Variants in CNTN5 observed in about 807,000 individuals in gnomAD.
CNTN5 encodes the protein contactin 5, also known as contactin-5.
Under a neutral mutation model 129.1 loss-of-function variants are expected in CNTN5, and 77 were observed. The ratio of observed to expected loss-of-function variants is 0.60; its 90% confidence interval spans 0.50 to 0.72. CNTN5 has a LOEUF of 0.72. Ranked by LOEUF, CNTN5 falls within the 30% of genes least tolerant of loss-of-function variation. The pLI, the probability that CNTN5 is intolerant of heterozygous loss-of-function variation, is 0.00. For missense variants in CNTN5, 1,478 were observed against 1,328.8 expected (o/e 1.11, Z -1.75); for synonymous variants, 509 against 465.6 (o/e 1.09, Z -1.20).
chr11:99,827,103 T>C (rs1056214602), intron 4 of CNTN5, among the ~76,000 whole-genome samples: 3 of 152,186 alleles, frequency 2.0e-5, no homozygotes, highest in Admixed American at 6.5e-5. Flanking sequence ...TTTGTTTTAA[T>C]GCGAGACAGG....
At chr11:99,612,045 A>G (rs1157453447) in intron 3 of CNTN5, among the ~76,000 whole-genome samples, 1 of 152,206 alleles carries the variant, frequency 6.6e-6, no homozygotes, top group Non-Finnish European at 1.5e-5. Flanking sequence ...AACCTTCAAA[A>G]TAGATCAATA....
chr11:99,811,925 C>A (rs557516356), intron 3 of CNTN5, among the ~76,000 whole-genome samples: 1 of 152,206 alleles, frequency 6.6e-6, no homozygotes, highest in African/African-American at 2.4e-5. Flanking sequence ...TATTAAAAGA[C>A]TGAGCAACTG....
At chr11:100,304,411 A>C (rs1951298879) in intron 20 of CNTN5, among the ~76,000 whole-genome samples, 1 of 151,640 alleles carries the variant, frequency 6.6e-6, no homozygotes, top group Non-Finnish European at 1.5e-5. Flanking sequence ...TAGAGATCAG[A>C]AGAGTTTTAG....
At chr11:99,784,526 A>G (rs192222713) in intron 3 of CNTN5, among the ~76,000 whole-genome samples, 17 of 152,248 alleles carry the variant, frequency 1.1e-4, no homozygotes, top group African/African-American at 3.6e-4. Flanking sequence ...TAGTGCTGCA[A>G]TAAACATATG....
At chr11:99,995,092 G>A (rs1256920056) in intron 8 of CNTN5, among the ~76,000 whole-genome samples, 1 of 152,282 alleles carries the variant, frequency 6.6e-6, no homozygotes, top group East Asian at 1.9e-4. Context: ...GGCTCTTGAT[G>A]TGCAGCAAAT....
chr11:99,681,810 T>A (rs1489756004), intron 3 of CNTN5, among the ~76,000 whole-genome samples: 3 of 152,054 alleles, frequency 2.0e-5, no homozygotes, highest in Non-Finnish European at 4.4e-5. Context: ...GTAGTTTACC[T>A]GAAACGATTA....
At chr11:99,438,994 T>C (rs1240376034) in intron 2 of CNTN5, among the ~76,000 whole-genome samples, 1 of 152,200 alleles carries the variant, frequency 6.6e-6, no homozygotes, top group Non-Finnish European at 1.5e-5. Context: ...AAATAATTTC[T>C]GATTTTAATG....
intron 3 of CNTN5, among the ~76,000 whole-genome samples, chr11:99,647,826 C>A (rs1031416036): frequency 7.3e-5 from 11 of 151,010 alleles, no homozygotes; most frequent in African/African-American, 2.7e-4. Context: ...GTTACTTATT[C>A]AGCTACTTTG....
At chr11:99,367,601 T>C (rs1939532329) in intron 2 of CNTN5, among the ~76,000 whole-genome samples, 1 of 152,158 alleles carries the variant, frequency 6.6e-6, no homozygotes, top group Admixed American at 6.6e-5. Flanking sequence ...TGATACTCAT[T>C]GTTATCTGAG....
chr11:100,042,307 A>T (rs1451955853), intron 9 of CNTN5, among the ~76,000 whole-genome samples: 2 of 150,844 alleles, frequency 1.3e-5, no homozygotes, highest in Admixed American at 6.6e-5. Flanking sequence ...ATAGCTTTTT[A>T]TGTGCTTTCT....
At chr11:100,228,689 G>A (rs1181382458) in intron 16 of CNTN5, among the ~76,000 whole-genome samples, 1 of 152,102 alleles carries the variant, frequency 6.6e-6, no homozygotes, top group African/African-American at 2.4e-5. Context: ...CTCTGTGTCG[G>A]GCACTGAAGT....
intron 3 of CNTN5, among the ~76,000 whole-genome samples, chr11:99,654,096 G>C (rs563382945): frequency 7.4e-4 from 112 of 152,178 alleles, no homozygotes; most frequent in African/African-American, 2.6e-3. Context: ...AACAAGCAGT[G>C]AAAGCACAAA....
intron 2 of CNTN5, among the ~76,000 whole-genome samples, chr11:99,336,009 C>G (rs997761078): frequency 5.3e-5 from 8 of 152,034 alleles, no homozygotes; most frequent in African/African-American, 1.2e-4. Context: ...TCTGTTTGAG[C>G]CTTCTTCAGC....
chr11:99,419,033 AAGG>A lies in CNTN5; in HGVS notation c.-71+93551_-71+93553del, dbSNP rs375835087. 5.9e-3 allele frequency among the ~76,000 whole-genome samples: 898 copies of A among 152,274 alleles called. 9 individuals are homozygous for A. Among genetic ancestry groups the A allele is most frequent in the African/African-American group, 0.02 (811 of 41,548 alleles). ...ATAAAATGGGAGGATTATGCATGAT[AAGG>A]AATGTCAAGTTTCTACATAATACAG... On this transcript the variant is annotated intron_variant, in intron 2 of 24. Coordinates refer to ENST00000524871, the MANE Select transcript of CNTN5 (RefSeq NM_014361.4).
At chr11:99,777,531 C>T (rs185220079) in intron 3 of CNTN5, among the ~76,000 whole-genome samples, 163 of 151,900 alleles carry the variant, frequency 1.1e-3, no homozygotes, top group African/African-American at 3.8e-3. Flanking sequence ...ACTATAAAAA[C>T]TAATTTTTAA....
intron 1 of CNTN5, among the ~76,000 whole-genome samples, chr11:99,100,808 G>A (rs1591189635): frequency 6.6e-6 from 1 of 151,836 alleles, no homozygotes; most frequent in African/African-American, 2.4e-5. Flanking sequence ...AATATAAATA[G>A]CATACTAAAG....
At chr11:100,262,409 A>G (rs1425018416) in intron 17 of CNTN5, among the ~76,000 whole-genome samples, 2 of 152,172 alleles carry the variant, frequency 1.3e-5, no homozygotes, top group Admixed American at 1.3e-4. Flanking sequence ...AGAACTGGAA[A>G]TATCATTTAA....
chr11:99,058,188 T>A (rs1028613725), intron 1 of CNTN5, among the ~76,000 whole-genome samples: 1 of 152,010 alleles, frequency 6.6e-6, no homozygotes, highest in East Asian at 1.9e-4. Context: ...TTGAGCATAG[T>A]AGGCTTTCTT....
intron 3 of CNTN5, among the ~76,000 whole-genome samples, chr11:99,739,642 G>A (rs912335926): frequency 1.3e-5 from 2 of 152,088 alleles, no homozygotes; most frequent in African/African-American, 4.8e-5. Context: ...AAACTAAAGT[G>A]CTATGAATGA....
Sources: allele counts gnomAD v4.1 joint callset (sites outside exome capture counted in the v4.1 genomes callset), GRCh38; gene constraint gnomAD v4.1.1; transcripts MANE v1.5; gene names NCBI Gene and HGNC (gene_info 2026-07-23, HGNC 2026-07-21).